Variants in PHACTR2 observed in about 807,000 individuals in gnomAD.
The protein encoded by PHACTR2 is phosphatase and actin regulator 2.
A neutral mutation model predicts 76.0 loss-of-function variants in PHACTR2; 30 were observed. The observed-to-expected ratio is 0.39, with a 90% confidence interval of 0.30 to 0.54. PHACTR2 has a LOEUF of 0.54. Ranked by LOEUF, PHACTR2 falls within the 20% of genes least tolerant of loss-of-function variation. The pLI is 0.61. For synonymous variants in PHACTR2, 292 were observed against 292.5 expected (o/e 1.00, Z 0.02); for missense variants, 696 against 781.1 (o/e 0.89, Z 1.30).
At chr6:143,628,379 T>C (rs1776296333) in intron 1 of PHACTR2, among the ~76,000 whole-genome samples, 1 of 152,244 alleles carries the variant, frequency 6.6e-6, no homozygotes. Flanking sequence ...TCTAGCAGTC[T>C]AGTGTCAGCA....
intron 1 of PHACTR2, among the ~76,000 whole-genome samples, chr6:143,650,854 C>T (rs1776751451): frequency 6.6e-6 from 1 of 152,078 alleles, no homozygotes; most frequent in Non-Finnish European, 1.5e-5. Flanking sequence ...AACTAAAGAG[C>T]TTCTGAACAA....
At position 143,755,536 on chromosome 6, in the gene PHACTR2, G is replaced by A; in HGVS notation, c.454+1624G>A. ...ACCTTGATGTTCTTGAAAGAAGATA[G>A]CAGACCTTATGGGTCCATGAATAGT... is the stretch of plus-strand genomic sequence containing the variant. On this transcript the variant is annotated intron_variant, in intron 4 of 12. Transcript: ENST00000440869. The surrounding 1 kb of genome is among the most constrained non-coding windows in gnomAD (Gnocchi z 5.2). 2.8e-6 allele frequency: 1 copy of A among 356,554 alleles called. No homozygotes were observed. The highest frequency in any genetic ancestry group is 5.5e-6 in the Non-Finnish European group (1 of 180,906). 22.1% of individuals were successfully genotyped at this position (356,554 alleles called of 1,614,324 possible).
chr6:143,830,001 C>T lies in PHACTR2; in HGVS notation c.*6312C>T, dbSNP rs1158070349. 1 of 152,034 alleles carries T rather than the reference C, an allele frequency of 6.6e-6. No individual in the cohort carries two copies. The highest frequency in any genetic ancestry group is 1.5e-5 in the Non-Finnish European group (1 of 68,018). The allele number at this position is 152,034 out of a possible 1,614,324, so 9.4% of individuals were successfully genotyped here. A position where few individuals can be genotyped will look rare whatever the true frequency, so the allele number is the denominator to read the frequency against. Reference sequence around the variant, plus strand: ...AACTCGGGGGAGGAGGGGCTTTTCCCTTACTGGATACTTTTGTTATAGTTT... The same window carrying T: ...AACTCGGGGGAGGAGGGGCTTTTCCTTTACTGGATACTTTTGTTATAGTTT... On this transcript the variant is annotated 3_prime_UTR_variant, in exon 13 of 13. Coordinates refer to ENST00000440869, the MANE Select transcript of PHACTR2 (RefSeq NM_001100164.2).
intron 2 of PHACTR2, among the ~76,000 whole-genome samples, chr6:143,744,322 T>C (rs1009931620): frequency 1.3e-5 from 2 of 152,350 alleles, no homozygotes; most frequent in African/African-American, 4.8e-5. Context: ...ATTCTCATGA[T>C]TAGCTATTTT....
In PHACTR2 at chr6:143,679,387, C is replaced by G. The variant is rs1469547560; in HGVS notation, c.46+1178C>G. Among the ~76,000 whole-genome samples the G allele has an allele frequency of 6.6e-6, 1 of 152,146 alleles. No individual in the cohort carries two copies. The highest frequency in any genetic ancestry group is 1.5e-5 in the Non-Finnish European group (1 of 68,010). On this transcript the variant is annotated intron_variant, in intron 1 of 12. Transcript: ENST00000440869. The surrounding 1 kb of genome is among the most constrained non-coding windows in gnomAD (Gnocchi z 4.6). The stretch of plus-strand genomic sequence containing the variant: ...AATGACATGGCTACAGCTCTGAAAT[C>G]AAAGACCTCATGTTGACAGCTTTTT...
chr6:143,633,898 T>G lies in PHACTR2; in HGVS notation c.13+25576T>G, dbSNP rs1197856820. Among the ~76,000 whole-genome samples the G allele has an allele frequency of 6.6e-6, 1 of 152,226 alleles. No homozygotes were observed. Among genetic ancestry groups the G allele is most frequent in the Admixed American group, 6.5e-5 (1 of 15,278 alleles). On this transcript the variant is annotated intron_variant, in intron 1 of 11. Transcript: ENST00000305766. This position sits in a 1 kb window ranked among gnomAD's most constrained non-coding sequence, Gnocchi z 4.1. ...TGAACTTTGTAAGATGAACTATAGATTTAAGATGAAAGTAAAAACGGTCCT... is the reference window on the plus strand; with the variant it reads ...TGAACTTTGTAAGATGAACTATAGAGTTAAGATGAAAGTAAAAACGGTCCT...
upstream of PHACTR2, chr6:143,677,922 G>C (rs1353506178): frequency 3.0e-4 from 87 of 293,560 alleles, no homozygotes; most frequent in South Asian, 7.5e-4. Flanking sequence ...TTCTTCCCCC[G>C]TGACCCCTGA....
chr6:143,746,478 G>A (rs183570783), intron 2 of PHACTR2, among the ~76,000 whole-genome samples: 16 of 152,310 alleles, frequency 1.1e-4, no homozygotes, highest in Admixed American at 2.0e-4. Flanking sequence ...CTAGGCCAGC[G>A]GCACTTGCTC....
rs889420948 is a variant in PHACTR2 at position 143,580,225 on chromosome 6, C to G, written c.217+43018C>G. On this transcript the variant is annotated intron_variant, in intron 1 of 11. Transcript: ENST00000367584. This position sits in a 1 kb window ranked among gnomAD's most constrained non-coding sequence, Gnocchi z 4.2. ...TTGGGGCCGGGCGCAGTGGCTCACTCCTGTAATCCCAGCACTTTGGGAGGC... is the reference window on the plus strand; with the variant it reads ...TTGGGGCCGGGCGCAGTGGCTCACTGCTGTAATCCCAGCACTTTGGGAGGC... 6.6e-6 allele frequency among the ~76,000 whole-genome samples: 1 copy of G among 152,232 alleles called. No homozygotes were observed. The highest frequency in any genetic ancestry group is 1.5e-5 in the Non-Finnish European group (1 of 68,034).
In PHACTR2 at chr6:143,755,962, C is replaced by T. The variant is rs903524942; in HGVS notation, c.454+2050C>T. Among the ~76,000 whole-genome samples, 2 of 151,928 alleles carry T rather than the reference C, an allele frequency of 1.3e-5. No individual in the cohort carries two copies. The highest frequency in any genetic ancestry group is 6.6e-5 in the Admixed American group (1 of 15,264). ...CTCACTGCTTGTGTGAGCTCACTGCCGTGCAAACCCCACCATCCCATGATC... is the reference window on the plus strand; with the variant it reads ...CTCACTGCTTGTGTGAGCTCACTGCTGTGCAAACCCCACCATCCCATGATC... On this transcript the variant is annotated intron_variant, in intron 4 of 12. Transcript: ENST00000440869. This position sits in a 1 kb window ranked among gnomAD's most constrained non-coding sequence, Gnocchi z 5.2.
At chr6:143,568,104 T>TAAA (rs967719641) in intron 1 of PHACTR2, among the ~76,000 whole-genome samples, 9 of 151,580 alleles carry the variant, frequency 5.9e-5, no homozygotes, top group Admixed American at 2.0e-4. Context: ...TTGATTTTTT[T>TAAA]AAAAAAATCC....
In PHACTR2 at chr6:143,823,975, A is replaced by G. The variant is rs1457653286; in HGVS notation, c.*286A>G. 2 of 299,998 alleles carry G rather than the reference A, an allele frequency of 6.7e-6. No homozygotes were observed. The highest frequency in any genetic ancestry group is 1.2e-5 in the Non-Finnish European group (2 of 163,270). The allele number at this position is 299,998 out of a possible 1,614,324, so 18.6% of individuals were successfully genotyped here. A position where few individuals can be genotyped will look rare whatever the true frequency, so the allele number is the denominator to read the frequency against. The stretch of plus-strand genomic sequence containing the variant: ...TCAGAAGCTTTAATCAAAGAAGATG[A>G]GCAGAAGACAATCACTGGCTCCCTG... On this transcript the variant is annotated 3_prime_UTR_variant, in exon 13 of 13. Coordinates refer to ENST00000440869, the MANE Select transcript of PHACTR2 (RefSeq NM_001100164.2). The surrounding 1 kb of genome is among the most constrained non-coding windows in gnomAD (Gnocchi z 5.7).
chr6:143,537,271 C>G lies in PHACTR2; in HGVS notation c.217+64C>G, dbSNP rs543894579. ...CGCGGGCAGGTGGCCGCGAGGGCGA[C>G]GCGGCCAACCCGGGGCGCCCGCGGG... On this transcript the variant is annotated intron_variant, in intron 1 of 11. Coordinates refer to the PHACTR2 transcript ENST00000367584. The surrounding 1 kb of genome is among the most constrained non-coding windows in gnomAD (Gnocchi z 4.4). The G allele has an allele frequency of 7.5e-4, 123 of 163,474 alleles. No homozygotes were observed. Among genetic ancestry groups the G allele is most frequent in the African/African-American group, 2.9e-3 (119 of 41,182 alleles). The allele number at this position is 163,474 out of a possible 1,614,324, so 10.1% of individuals were successfully genotyped here.
upstream of PHACTR2, among the ~76,000 whole-genome samples, chr6:143,677,702 C>G (rs1777275879): frequency 6.6e-6 from 1 of 152,212 alleles, no homozygotes; most frequent in African/African-American, 2.4e-5. Flanking sequence ...AGTACCGTGA[C>G]TAAATACTTT....
rs1776117600 is a variant in PHACTR2 at position 143,619,645 on chromosome 6, A to G, written c.13+11323A>G. Reference sequence around the variant, plus strand: ...GGACTCGGTAGCTTTTGTATCATTAACTGAGACTTGCTTAAAACTGTACAC... The same window carrying G: ...GGACTCGGTAGCTTTTGTATCATTAGCTGAGACTTGCTTAAAACTGTACAC... On this transcript the variant is annotated intron_variant, in intron 1 of 11. Coordinates refer to the PHACTR2 transcript ENST00000305766. This position sits in a 1 kb window ranked among gnomAD's most constrained non-coding sequence, Gnocchi z 4.5. 6.6e-6 allele frequency among the ~76,000 whole-genome samples: 1 copy of G among 152,164 alleles called. No homozygotes were observed. The highest frequency in any genetic ancestry group is 2.4e-5 in the African/African-American group (1 of 41,434).
At position 143,563,734 on chromosome 6, in the gene PHACTR2, G is replaced by A. The variant is rs765163000; in HGVS notation, c.217+26527G>A. ...ATTCTGGCTGCGCACGGTGGCTCAT[G>A]CCTGTAATCCCAGCACTTTGGGAGG... On this transcript the variant is annotated intron_variant, in intron 1 of 11. Coordinates refer to the PHACTR2 transcript ENST00000367584. 2.5e-4 allele frequency among the ~76,000 whole-genome samples: 38 copies of A among 151,918 alleles called. 1 individual carries two copies. Among genetic ancestry groups the A allele is most frequent in the Admixed American group, 6.6e-4 (10 of 15,236 alleles).
intron 1 of PHACTR2, among the ~76,000 whole-genome samples, chr6:143,586,677 A>G (rs1326005885): frequency 6.6e-6 from 1 of 152,220 alleles, no homozygotes; most frequent in African/African-American, 2.4e-5. Flanking sequence ...CGGTTTATGC[A>G]GAAATTTCTA....
chr6:143,664,374 T>G lies in PHACTR2; in HGVS notation c.14-47642T>G, dbSNP rs1357375077. On this transcript the variant is annotated intron_variant, in intron 1 of 11. Coordinates refer to the PHACTR2 transcript ENST00000305766. This position sits in a 1 kb window ranked among gnomAD's most constrained non-coding sequence, Gnocchi z 5.1. ...CAATTTTTTAGTCTTTGTCATTAGA[T>G]AAGAAAGCTTATTCCTTTCATATTT... Among the ~76,000 whole-genome samples, 1 of 152,178 alleles carries G rather than the reference T, an allele frequency of 6.6e-6. No individual in the cohort carries two copies. The highest frequency in any genetic ancestry group is 2.1e-4 in the South Asian group (1 of 4,836).
At position 143,591,186 on chromosome 6, in the gene PHACTR2, G is replaced by A. The variant is rs1250196066; in HGVS notation, c.217+53979G>A. On this transcript the variant is annotated intron_variant, in intron 1 of 11. Coordinates refer to the PHACTR2 transcript ENST00000367584. The surrounding 1 kb of genome is among the most constrained non-coding windows in gnomAD (Gnocchi z 6.4). ...TCCACGTTCATTTGCTTGGGAATAC[G>A]TGACAGAGCTGAAGGCAGAGAACAA... Among the ~76,000 whole-genome samples the A allele has an allele frequency of 3.3e-5, 5 of 152,080 alleles. No homozygotes were observed. Among genetic ancestry groups the A allele is most frequent in the Non-Finnish European group, 4.4e-5 (3 of 68,016 alleles).
Sources: gnomAD v4.1 joint callset for allele counts (sites outside exome capture counted in the v4.1 genomes callset) on GRCh38, gnomAD v4.1.1 for gene constraint, Gnocchi (gnomAD v3.1) non-coding constraint, MANE v1.5 for transcripts, NCBI Gene and HGNC (gene_info 2026-07-23, HGNC 2026-07-21) for gene names.